PTPN3: variants seen among roughly 807,000 people sequenced by gnomAD.
The protein encoded by PTPN3 is tyrosine-protein phosphatase non-receptor type 3.
PTPN3 carries 96 observed loss-of-function variants against 132.7 expected under a neutral mutation model. That is an observed-to-expected ratio of 0.72 (90% CI 0.61 to 0.86). PTPN3 has a LOEUF of 0.86. Ranked by LOEUF, PTPN3 falls within the 40% of genes least tolerant of loss-of-function variation. The probability of loss-of-function intolerance (pLI) is 0.00; values close to 1 mark genes in which losing one functional copy is unlikely to be tolerated. For missense variants in PTPN3, 1,125 were observed against 1,159.6 expected, an observed-to-expected ratio of 0.97 and a Z score of 0.43; for synonymous variants, 398 against 429.0, an observed-to-expected ratio of 0.93 and a Z score of 0.89.
At chr9:109,402,958 G>T (rs1400201186) in intron 19 of PTPN3, among the ~76,000 whole-genome samples, 2 of 152,076 alleles carry the variant, frequency 1.3e-5, no homozygotes, top group East Asian at 3.9e-4. Context: ...CATGCCTGTA[G>T]TCCCAGCTAC....
chr9:109,434,755 T>C (rs1843907883), intron 9 of PTPN3, among the ~76,000 whole-genome samples: 1 of 152,152 alleles, frequency 6.6e-6, no homozygotes, highest in Non-Finnish European at 1.5e-5. Flanking sequence ...AGAACCCACC[T>C]CGAAGCGTTT....
intron 11 of PTPN3, among the ~76,000 whole-genome samples, chr9:109,428,040 A>G (rs1843401318): frequency 6.6e-6 from 1 of 152,214 alleles, no homozygotes; most frequent in Non-Finnish European, 1.5e-5. Context: ...CTTATGAGAT[A>G]TATACACCTA....
chr9:109,391,214 A>C lies in PTPN3; in HGVS notation c.2045-15T>G. 6.2e-7 allele frequency: 1 copy of C among 1,607,728 alleles called. No individual in the cohort carries two copies. The highest frequency in any genetic ancestry group is 1.1e-5 in the South Asian group (1 of 90,438). On this transcript the variant is annotated splice_polypyrimidine_tract_variant and intron_variant, in intron 20 of 25. Coordinates refer to ENST00000374541, the MANE Select transcript of PTPN3 (RefSeq NM_002829.4). ...GGTGGTGTCATCTGCGGGGAAGAGA[A>C]AAATTTACCGATTATTCCGAGCATT...
At chr9:109,441,866 C>A (rs1844498314) in intron 7 of PTPN3, among the ~76,000 whole-genome samples, 1 of 151,992 alleles carries the variant, frequency 6.6e-6, no homozygotes. Context: ...CTCAGCATCT[C>A]AAGTAGCTGG....
intron 2 of PTPN3, among the ~76,000 whole-genome samples, chr9:109,460,612 T>C (rs4399001): frequency 0.49 from 74,946 of 151,942 alleles, 18,959 homozygotes; most frequent in Middle Eastern, 0.59. Flanking sequence ...GCCTTTGCAC[T>C]GCTGTTCCTT....
chr9:109,391,722 A>G (rs909226246), intron 19 of PTPN3, among the ~76,000 whole-genome samples, 161 bp from the exon 20 acceptor site: 1 of 149,992 alleles, frequency 6.7e-6, no homozygotes, highest in African/African-American at 2.5e-5. Context: ...CTACAGTTCC[A>G]TGAGAAACTG....
At chr9:109,447,942 G>A (rs1256443169) in intron 6 of PTPN3, among the ~76,000 whole-genome samples, 1 of 152,050 alleles carries the variant, frequency 6.6e-6, no homozygotes, top group Non-Finnish European at 1.5e-5. Flanking sequence ...TGGGACTGTC[G>A]GGGGTGGGGT....
intron 1 of PTPN3, among the ~76,000 whole-genome samples, chr9:109,464,414 T>C (rs915261619): frequency 1.4e-4 from 21 of 152,098 alleles, no homozygotes; most frequent in African/African-American, 4.6e-4. Context: ...GGGTGAAGTG[T>C]GGGAGGAGGG....
At chr9:109,481,757 T>C (rs769659991) in intron 1 of PTPN3, among the ~76,000 whole-genome samples, 2 of 152,200 alleles carry the variant, frequency 1.3e-5, no homozygotes, top group East Asian at 1.9e-4. Context: ...CATGAATAAA[T>C]TGATAAAATT....
intron 1 of PTPN3, among the ~76,000 whole-genome samples, chr9:109,489,682 G>A (rs1217972003): frequency 6.6e-6 from 1 of 151,956 alleles, no homozygotes; most frequent in Non-Finnish European, 1.5e-5. Flanking sequence ...TGATTAGCAG[G>A]GACGCCCAGC....
chr9:109,388,258 C>T (rs964232472), intron 22 of PTPN3, among the ~76,000 whole-genome samples: 18 of 152,250 alleles, frequency 1.2e-4, no homozygotes, highest in African/African-American at 4.1e-4. Context: ...GTCATCCTGT[C>T]ATCCAAGAGT....
intron 7 of PTPN3, among the ~76,000 whole-genome samples, chr9:109,444,850 G>A (rs1416884027): frequency 1.3e-5 from 2 of 152,188 alleles, no homozygotes; most frequent in Non-Finnish European, 2.9e-5. Context: ...TAACCTAGCT[G>A]GGTCTAGGTT....
the PTPN3 span, among the ~76,000 whole-genome samples, chr9:109,537,631 G>A: frequency 1.2e-4 from 19 of 152,246 alleles, no homozygotes; most frequent in Middle Eastern, 3.4e-3. Flanking sequence ...GAAAGATTGG[G>A]GCTTAGCTGA....
At chr9:109,382,513 C>T in intron 23 of PTPN3, 66 bp from the exon 24 acceptor site, 1 of 1,578,344 alleles carries the variant, frequency 6.3e-7, no homozygotes, top group East Asian at 2.2e-5. Flanking sequence ...CAGCCCCAAC[C>T]CAGACACAGG....
intron 1 of PTPN3, among the ~76,000 whole-genome samples, chr9:109,471,109 T>A (rs1588480871): frequency 6.6e-6 from 1 of 151,148 alleles, no homozygotes; most frequent in East Asian, 1.9e-4. Context: ...CAGGCTGGAG[T>A]GCAGTGGCGC....
At chr9:109,450,138 C>T (rs1184385749) in intron 5 of PTPN3, 1 of 984,278 alleles carries the variant, frequency 1.0e-6, no homozygotes, top group Non-Finnish European at 1.2e-6. Context: ...GCTTAGGATC[C>T]ATGTCGTAAC....
chr9:109,528,151 T>C, the PTPN3 span, among the ~76,000 whole-genome samples: 6,846 of 152,304 alleles, frequency 0.045, 247 homozygotes, highest in South Asian at 0.15. Flanking sequence ...TAATGGTGGA[T>C]ACAGTCATTT....
At chr9:109,516,949 C>T in the PTPN3 span, among the ~76,000 whole-genome samples, 1 of 152,074 alleles carries the variant, frequency 6.6e-6, no homozygotes, top group Non-Finnish European at 1.5e-5. Context: ...GAATAGGGGT[C>T]CTCTTAGGCA....
Position 109,388,014 on chromosome 9 carries a change from TGA to T in PTPN3, c.2253+1217_2253+1218del. 2.0e-5 allele frequency among the ~76,000 whole-genome samples: 3 copies of T among 152,300 alleles called. 1 individual carries two copies. The highest frequency in any genetic ancestry group is 7.2e-5 in the African/African-American group (3 of 41,568). ...AAGGCTCTCTCTGCACTTGCAGACC[TGA>T]GAGTAGCACAGCGAGGCTGGGGAGC... On this transcript the variant is annotated intron_variant, in intron 22 of 25. Transcript: ENST00000374541.
Sources: gnomAD v4.1 joint callset for allele counts (sites outside exome capture counted in the v4.1 genomes callset) on GRCh38, gnomAD v4.1.1 for gene constraint, MANE v1.5 for transcripts, NCBI Gene and HGNC (gene_info 2026-07-23, HGNC 2026-07-21) for gene names.